DCP1A: variants seen among roughly 807,000 people sequenced by gnomAD.
DCP1A encodes decapping mRNA 1A.
A neutral mutation model predicts 58.0 loss-of-function variants in DCP1A; 20 were observed. The observed-to-expected ratio is 0.34, with a 90% CI of 0.24 to 0.50. DCP1A has a LOEUF of 0.50. Ranked by LOEUF, DCP1A falls within the 20% of genes least tolerant of loss-of-function variation. The probability of loss-of-function intolerance (pLI) is 0.98; values close to 1 mark genes in which losing one functional copy is unlikely to be tolerated. For synonymous variants in DCP1A, 285 were observed against 275.1 expected (o/e 1.04, Z -0.36); for missense variants, 613 against 712.2 (o/e 0.86, Z 1.59).
At chr3:53,313,710 G>A (rs1216925856) in intron 4 of DCP1A, among the ~76,000 whole-genome samples, 10 of 151,572 alleles carry the variant, frequency 6.6e-5, no homozygotes, top group African/African-American at 2.4e-4. Flanking sequence ...GATCACTTGA[G>A]CCCAGGAGTT....
At chr3:53,314,667 CTTTTTTTTTTTTTTTTT>C (rs1167830951) in intron 4 of DCP1A, among the ~76,000 whole-genome samples, 23 of 86,726 alleles carry the variant, frequency 2.7e-4, no homozygotes, top group Admixed American at 2.4e-3. Flanking sequence ...TTTTCTTTTT[CTTTTTTTTTTTTTTTTT>C]TTTTTGAGAC....
intron 3 of DCP1A, chr3:53,333,215 C>T (rs556548411): frequency 2.8e-4 from 42 of 150,170 alleles, no homozygotes; most frequent in African/African-American, 9.8e-4. Flanking sequence ...GATCTTGGCT[C>T]ACTGCAACCT....
In DCP1A at chr3:53,292,358, T is replaced by C; in HGVS notation, c.1094A>G (p.His365Arg). ...LLNQPVPELS[H>R]ASLIANQSPF... is the part of the protein sequence containing the mutation. ...GCTCTGGTTGGCAATCAGACTGGCATGGCTTAGCTCAGGGACTGGCTGGTT... is the reference window on the plus strand; with the variant it reads ...GCTCTGGTTGGCAATCAGACTGGCACGGCTTAGCTCAGGGACTGGCTGGTT... The change falls in exon 7 of 10, where the codon CAT (histidine) becomes CGT (arginine). Residue 365 changes from histidine (H) to arginine (R), a missense_variant. Coordinates refer to ENST00000610213, the MANE Select transcript of DCP1A (RefSeq NM_018403.7). The C allele has an allele frequency of 6.2e-7, 1 of 1,613,012 alleles. No individual in the cohort carries two copies. Among genetic ancestry groups the C allele is most frequent in the Non-Finnish European group, 8.5e-7 (1 of 1,179,146 alleles).
chr3:53,320,443 C>T (rs998364652), intron 3 of DCP1A, among the ~76,000 whole-genome samples: 3 of 152,158 alleles, frequency 2.0e-5, no homozygotes, highest in Non-Finnish European at 4.4e-5. Context: ...AGACCCATTG[C>T]TACCATGTGG....
At chr3:53,288,980 A>T (rs1417310858) in intron 8 of DCP1A, among the ~76,000 whole-genome samples, 2 of 150,968 alleles carry the variant, frequency 1.3e-5, no homozygotes, top group Non-Finnish European at 2.9e-5. Context: ...GCACCATTGC[A>T]CTCCAGCCTG....
intron 2 of DCP1A, among the ~76,000 whole-genome samples, chr3:53,343,579 T>C (rs927916502): frequency 1.1e-4 from 17 of 152,138 alleles, no homozygotes; most frequent in African/African-American, 3.6e-4. Context: ...TGAAGAGTAA[T>C]GAAGGGAGTG....
rs916476176 is a variant in DCP1A at position 53,283,571 on chromosome 3, T to C, written c.*4009A>G. On this transcript the variant is annotated 3_prime_UTR_variant, in exon 10 of 10. Coordinates refer to ENST00000610213, the MANE Select transcript of DCP1A (RefSeq NM_018403.7). ...CACAGATGCTATAAAATCCATACCA[T>C]TAAAAATGTTAATGATACAGTATTG... 1.3e-5 allele frequency: 2 copies of C among 152,184 alleles called. No individual in the cohort carries two copies. The highest frequency in any genetic ancestry group is 6.5e-5 in the Admixed American group (1 of 15,268). The allele number at this position is 152,184 out of a possible 1,614,324, so 9.4% of individuals were successfully genotyped here. A position where few individuals can be genotyped will look rare whatever the true frequency, so the allele number is the denominator to read the frequency against.
chr3:53,334,864 TTG>T (rs2106883743), intron 3 of DCP1A, among the ~76,000 whole-genome samples: 1 of 152,248 alleles, frequency 6.6e-6, no homozygotes, highest in African/African-American at 2.4e-5. Context: ...GCTGTTGTTT[TTG>T]TTGAAAAGTA....
chr3:53,342,039 A>G, intron 3 of DCP1A, 105 bp downstream of exon 3: 1 of 974,478 alleles, frequency 1.0e-6, no homozygotes, highest in Non-Finnish European at 1.5e-6. Context: ...TTAAGTAGAG[A>G]CCATATTTTG....
intron 6 of DCP1A, among the ~76,000 whole-genome samples, chr3:53,296,935 G>A (rs544843968): frequency 6.6e-6 from 1 of 152,318 alleles, no homozygotes; most frequent in Non-Finnish European, 1.5e-5. Flanking sequence ...GTAATTCCAA[G>A]TTTAACTTTT....
chr3:53,319,356 T>C (rs1314674014), intron 4 of DCP1A, 51 bp downstream of exon 4: 1 of 1,174,392 alleles, frequency 8.5e-7, no homozygotes, highest in African/African-American at 1.5e-5. Flanking sequence ...GAGGGGATTA[T>C]TTTTCATTTC....
chr3:53,341,569 G>A (rs1461994718), intron 3 of DCP1A, among the ~76,000 whole-genome samples: 1 of 152,176 alleles, frequency 6.6e-6, no homozygotes, highest in Non-Finnish European at 1.5e-5. Context: ...GACATGGGCA[G>A]CTGATAGTCC....
chr3:53,329,108 T>G (rs1575615495), intron 3 of DCP1A: 1 of 367,274 alleles, frequency 2.7e-6, no homozygotes, highest in Non-Finnish European at 4.8e-6. Context: ...AATTGTAAAC[T>G]TATCTTGTAA....
Position 53,283,730 on chromosome 3 carries a change from A to G in DCP1A, c.*3850T>C, listed in dbSNP as rs148187925. The G allele has an allele frequency of 1.5e-3, 228 of 152,402 alleles. No individual in the cohort carries two copies. Among genetic ancestry groups the G allele is most frequent in the African/African-American group, 5.0e-3 (206 of 41,608 alleles). 9.4% of individuals were successfully genotyped at this position (152,402 alleles called of 1,614,324 possible). A position where few individuals can be genotyped will look rare whatever the true frequency, so the allele number is the denominator to read the frequency against. ...AGTAATACAGAATAAAAAACCATTT[A>G]GAACACATATTTTAAAAACATGTTT... is the stretch of plus-strand genomic sequence containing the variant. On this transcript the variant is annotated 3_prime_UTR_variant, in exon 10 of 10. Coordinates refer to ENST00000610213, the MANE Select transcript of DCP1A (RefSeq NM_018403.7).
intron 4 of DCP1A, among the ~76,000 whole-genome samples, chr3:53,316,724 C>G (rs1707826287): frequency 6.6e-6 from 1 of 151,098 alleles, no homozygotes; most frequent in East Asian, 1.9e-4. Context: ...GGACTACAGG[C>G]ATGAGCCACT....
At chr3:53,305,896 A>G (rs1553687979) in intron 5 of DCP1A, among the ~76,000 whole-genome samples, 1 of 152,166 alleles carries the variant, frequency 6.6e-6, no homozygotes, top group Non-Finnish European at 1.5e-5. Flanking sequence ...TCTTGTTCTT[A>G]AAAAGAATCC....
chr3:53,291,984 T>C (rs1706892662), intron 7 of DCP1A, 85 bp downstream of exon 7: 1 of 1,415,356 alleles, frequency 7.1e-7, no homozygotes, highest in Non-Finnish European at 9.4e-7. Flanking sequence ...TGTCATGTCA[T>C]GACAGTTAAA....
intron 6 of DCP1A, among the ~76,000 whole-genome samples, chr3:53,300,809 G>A (rs1005732744): frequency 1.3e-5 from 2 of 151,722 alleles, no homozygotes; most frequent in African/African-American, 2.4e-5. Flanking sequence ...CACCACACCC[G>A]GCTAATTTTT....
intron 6 of DCP1A, among the ~76,000 whole-genome samples, chr3:53,302,783 C>A (rs1707351647): frequency 6.6e-6 from 1 of 151,852 alleles, no homozygotes; most frequent in South Asian, 2.1e-4. Context: ...ATTACCACAC[C>A]CGGCTAATTT....
Sources: gnomAD v4.1 joint callset for allele counts (sites outside exome capture counted in the v4.1 genomes callset) on GRCh38, gnomAD v4.1.1 for gene constraint, MANE v1.5 for transcripts, NCBI Gene and HGNC (gene_info 2026-07-23, HGNC 2026-07-21) for gene names.